Variants in COBL observed in about 807,000 individuals in gnomAD.
COBL encodes cordon-bleu WH2 repeat protein.
Under a neutral mutation model 98.8 loss-of-function variants are expected in COBL, and 51 were observed. That is an observed-to-expected ratio of 0.52 (90% CI 0.41 to 0.65). The LOEUF is 0.65. Among genes scored for constraint, COBL ranks in the 30% least tolerant of loss-of-function variants. COBL has a pLI of 0.00. For missense variants in COBL, 1,617 were observed against 1,617.5 expected (o/e 1.00, Z 0.01); for synonymous variants, 634 against 651.7 (o/e 0.97, Z 0.41).
At chr7:51,035,884 GTTTCAGAGT>G (rs1788583875) in intron 8 of COBL, 1 of 152,176 alleles carries the variant, frequency 6.6e-6, no homozygotes, top group Non-Finnish European at 1.5e-5. Flanking sequence ...CAGTCACAAA[GTTTCAGAGT>G]TCTAGAAGCG....
chr7:51,173,507 C>T (rs1016833123), intron 5 of COBL, among the ~76,000 whole-genome samples: 34 of 152,270 alleles, frequency 2.2e-4, no homozygotes, highest in Admixed American at 1.8e-3. Context: ...TTAATCACTG[C>T]CCAGCTAATT....
chr7:51,054,853 C>T (rs1305778710), intron 7 of COBL, among the ~76,000 whole-genome samples: 1 of 152,200 alleles, frequency 6.6e-6, no homozygotes, highest in Non-Finnish European at 1.5e-5. Context: ...CATGATATGG[C>T]TGGAAATATA....
At chr7:51,022,252 TG>T (rs1787012625) in intron 12 of COBL, among the ~76,000 whole-genome samples, 5 of 152,142 alleles carry the variant, frequency 3.3e-5, no homozygotes, top group Admixed American at 1.3e-4. Context: ...AAATATTAAT[TG>T]CCTAGAACTT....
intron 1 of COBL, among the ~76,000 whole-genome samples, chr7:51,225,435 C>A (rs149766712): frequency 6.6e-6 from 1 of 152,160 alleles, no homozygotes; most frequent in African/African-American, 2.4e-5. Context: ...CAGGTGCTCC[C>A]GGCTGGCAGT....
At position 51,224,920 on chromosome 7, in the gene COBL, AC is replaced by A. The variant is rs79489043; in HGVS notation, c.42-4977del. ...CAGGTGATCCGCCTGCATGTGGGTG[AC>A]CTGTGCGTGTGGGCGGCCCGTGCAT... On this transcript the variant is annotated intron_variant, in intron 1 of 12. Coordinates refer to ENST00000265136, the MANE Select transcript of COBL (RefSeq NM_015198.5). 5.9e-5 allele frequency among the ~76,000 whole-genome samples: 9 copies of A among 152,186 alleles called. No individual in the cohort carries two copies. In the East Asian group the frequency reaches 1.2e-3, roughly 20 times the overall value.
intron 1 of COBL, among the ~76,000 whole-genome samples, chr7:51,304,666 G>A (rs917019939): frequency 2.0e-5 from 3 of 151,906 alleles, no homozygotes; most frequent in Non-Finnish European, 4.4e-5. Context: ...ATATGTTCTT[G>A]GACCAGAATG....
chr7:51,194,413 A>G (rs2129059361), intron 2 of COBL, among the ~76,000 whole-genome samples: 1 of 152,290 alleles, frequency 6.6e-6, no homozygotes, highest in South Asian at 2.1e-4. Flanking sequence ...TAGTGCTGCA[A>G]TGAACATACA....
chr7:51,220,666 T>C (rs993265626), intron 1 of COBL, among the ~76,000 whole-genome samples: 3 of 152,164 alleles, frequency 2.0e-5, no homozygotes, highest in African/African-American at 7.2e-5. Context: ...AACATTTATT[T>C]TAGGTTCAGG....
chr7:51,284,848 A>G (rs1414974347), intron 1 of COBL, among the ~76,000 whole-genome samples: 1 of 152,012 alleles, frequency 6.6e-6, no homozygotes, highest in African/African-American at 2.4e-5. Flanking sequence ...AAGGTATAAA[A>G]AAACCTACCT....
chr7:51,148,355 T>C (rs1012714001), intron 5 of COBL, among the ~76,000 whole-genome samples: 1 of 152,160 alleles, frequency 6.6e-6, no homozygotes, highest in Non-Finnish European at 1.5e-5. Context: ...GATTCTCTTT[T>C]GGTTGGTTTC....
intron 6 of COBL, among the ~76,000 whole-genome samples, chr7:51,109,581 T>C (rs752450581): frequency 1.1e-4 from 17 of 152,122 alleles, no homozygotes; most frequent in Non-Finnish European, 2.5e-4. Flanking sequence ...TGAGTTATCT[T>C]AAATGCTTCT....
At chr7:51,289,763 G>T (rs989989883) in intron 1 of COBL, among the ~76,000 whole-genome samples, 1 of 152,226 alleles carries the variant, frequency 6.6e-6, no homozygotes, top group Admixed American at 6.5e-5. Flanking sequence ...CAAAAACAAT[G>T]ACGCCTCCTT....
intron 6 of COBL, among the ~76,000 whole-genome samples, chr7:51,097,057 T>C (rs1447015215): frequency 6.6e-6 from 1 of 152,092 alleles, no homozygotes; most frequent in African/African-American, 2.4e-5. Flanking sequence ...CAGACCAGTA[T>C]CCCTGATGAA....
At chr7:51,224,087 G>A (rs183491634) in intron 1 of COBL, among the ~76,000 whole-genome samples, 3 of 152,222 alleles carry the variant, frequency 2.0e-5, no homozygotes, top group Non-Finnish European at 2.9e-5. Flanking sequence ...GTAACATGCC[G>A]CACAGGTTTG....
At position 51,116,225 on chromosome 7, in the gene COBL, T is replaced by G. The variant is rs1490987307; in HGVS notation, c.957+19933A>C. Among the ~76,000 whole-genome samples, 5 of 152,272 alleles carry G rather than the reference T, an allele frequency of 3.3e-5. No individual in the cohort carries two copies. In the South Asian group the frequency reaches 1.0e-3, roughly 32 times the overall value. Reference sequence around the variant, plus strand: ...ATGGCTGAATTTAGATAAACCAGTTTGTTTCCTGTTGTTGCTCCTGTTTAT... The same window carrying G: ...ATGGCTGAATTTAGATAAACCAGTTGGTTTCCTGTTGTTGCTCCTGTTTAT... On this transcript the variant is annotated intron_variant, in intron 6 of 12. Transcript: ENST00000265136.
chr7:51,147,753 CTT>C (rs565075669), intron 5 of COBL, among the ~76,000 whole-genome samples: 59 of 140,468 alleles, frequency 4.2e-4, no homozygotes, highest in Non-Finnish European at 4.4e-4. Context: ...TTTTTCTTTT[CTT>C]TTTTTTTTTT....
chr7:51,190,242 C>A (rs1365396608), intron 4 of COBL, among the ~76,000 whole-genome samples: 7 of 152,128 alleles, frequency 4.6e-5, no homozygotes, highest in Admixed American at 3.9e-4. Flanking sequence ...CAGGGTCTCA[C>A]TCTGTCACCT....
intron 3 of COBL, among the ~76,000 whole-genome samples, chr7:51,192,117 T>G (rs559009171): frequency 6.6e-6 from 1 of 152,278 alleles, no homozygotes; most frequent in African/African-American, 2.4e-5. Context: ...ACTTGAGGAA[T>G]AAGGGGAAAT....
chr7:51,278,830 C>T (rs1212581072), intron 1 of COBL, among the ~76,000 whole-genome samples: 1 of 152,220 alleles, frequency 6.6e-6, no homozygotes, highest in African/African-American at 2.4e-5. Flanking sequence ...TTAAAATCCC[C>T]CAACGTGTAG....
Sources: gnomAD v4.1 joint callset for allele counts (sites outside exome capture counted in the v4.1 genomes callset) on GRCh38, gnomAD v4.1.1 for gene constraint, MANE v1.5 for transcripts, NCBI Gene and HGNC (gene_info 2026-07-23, HGNC 2026-07-21) for gene names.